Variants in ATP2B2 observed in about 807,000 individuals in gnomAD.
ATP2B2 encodes plasma membrane calcium-transporting ATPase 2.
In ATP2B2, 15 loss-of-function variants were observed where a neutral mutation model predicts 120.0. The ratio of observed to expected loss-of-function variants is 0.12; its 90% CI spans 0.08 to 0.19. The LOEUF (loss-of-function observed/expected upper bound fraction) is 0.19. Ranked by LOEUF, ATP2B2 falls within the 10% of genes least tolerant of loss-of-function variation. The pLI is 1.00. For missense variants in ATP2B2, 1,045 were observed against 1,719.8 expected, an observed-to-expected ratio of 0.61 and a Z score of 6.94; for synonymous variants, 694 against 700.3, an observed-to-expected ratio of 0.99 and a Z score of 0.14.
intron 2 of ATP2B2, among the ~76,000 whole-genome samples, chr3:10,597,536 A>G (rs1413083755): frequency 2.6e-5 from 4 of 152,186 alleles, no homozygotes; most frequent in Non-Finnish European, 5.9e-5. Flanking sequence ...AGGAGGGACG[A>G]GTAACTGGCC....
intron 3 of ATP2B2, among the ~76,000 whole-genome samples, chr3:10,531,755 G>C (rs2067214704): frequency 6.6e-6 from 1 of 152,160 alleles, no homozygotes; most frequent in Non-Finnish European, 1.5e-5. Flanking sequence ...CTGGTAGTGA[G>C]GACAAGGGGC....
At chr3:10,664,915 T>C (rs567116784) in intron 1 of ATP2B2, among the ~76,000 whole-genome samples, 1 of 152,226 alleles carries the variant, frequency 6.6e-6, no homozygotes, top group South Asian at 2.1e-4. Context: ...TGGGAGCTAT[T>C]TGGACACCTC....
chr3:10,603,322 A>G (rs542543574), intron 2 of ATP2B2, among the ~76,000 whole-genome samples: 8 of 152,344 alleles, frequency 5.3e-5, no homozygotes, highest in African/African-American at 1.9e-4. Flanking sequence ...TCTCTAATAG[A>G]ATCGTTTCTT....
chr3:10,671,457 C>T (rs553657243), intron 1 of ATP2B2, among the ~76,000 whole-genome samples: 37 of 152,220 alleles, frequency 2.4e-4, no homozygotes, highest in African/African-American at 7.9e-4. Context: ...GTCTAGTCCT[C>T]GGCCCAGTTT....
At chr3:10,519,843 T>G (rs1278664017) in intron 3 of ATP2B2, among the ~76,000 whole-genome samples, 1 of 152,248 alleles carries the variant, frequency 6.6e-6, no homozygotes, top group Non-Finnish European at 1.5e-5. Context: ...CCAGCACTGA[T>G]GCTGCCTGCC....
chr3:10,357,473 T>C (rs1254104172), intron 14 of ATP2B2, among the ~76,000 whole-genome samples: 2 of 152,124 alleles, frequency 1.3e-5, no homozygotes, highest in Non-Finnish European at 2.9e-5. Flanking sequence ...CAGAATCTTA[T>C]AACATCAGGG....
intron 12 of ATP2B2, among the ~76,000 whole-genome samples, chr3:10,370,310 C>G (rs150816315): frequency 6.6e-6 from 1 of 152,238 alleles, no homozygotes; most frequent in African/African-American, 2.4e-5. Context: ...TTCTGGGAAT[C>G]GCCCTGTTCC....
chr3:10,420,620 C>T (rs1206151113), intron 2 of ATP2B2, among the ~76,000 whole-genome samples: 3 of 152,214 alleles, frequency 2.0e-5, no homozygotes, highest in Non-Finnish European at 4.4e-5. Flanking sequence ...CCTTGGCCTC[C>T]CAAAGTGCTG....
chr3:10,449,485 T>C lies in ATP2B2; in HGVS notation c.59A>G (p.His20Arg), dbSNP rs375463057. 20 of 1,614,256 alleles carry C rather than the reference T, an allele frequency of 1.2e-5. No homozygotes were observed. The East Asian group carries it at 1.8e-4, about 14-fold the overall frequency. ...CATTGTGCACCCGAACTCGCCCCCA[T>C]GGCTCGACTCATTTCTTTGGTTTTT... Reference protein sequence around the residue: ...YSKNQRNESSHGGEFGCTMEE... With the variant: ...YSKNQRNESSRGGEFGCTMEE... The change falls in exon 2 of 23, where the codon CAT (histidine) becomes CGT (arginine). Residue 20 changes from histidine to arginine, a missense_variant. Transcript: ENST00000360273.
intron 1 of ATP2B2, among the ~76,000 whole-genome samples, chr3:10,654,413 G>A (rs1339992182): frequency 6.6e-6 from 1 of 152,114 alleles, no homozygotes; most frequent in Non-Finnish European, 1.5e-5. Context: ...TCAAGGAGGA[G>A]ACAACAGAGT....
At chr3:10,431,408 G>C (rs1307101138) in intron 2 of ATP2B2, among the ~76,000 whole-genome samples, 1 of 152,156 alleles carries the variant, frequency 6.6e-6, no homozygotes, top group Non-Finnish European at 1.5e-5. Context: ...CTGCCACCCT[G>C]ATCAGTCAGC....
At chr3:10,416,210 G>A (rs2062775619) in intron 2 of ATP2B2, among the ~76,000 whole-genome samples, 1 of 152,202 alleles carries the variant, frequency 6.6e-6, no homozygotes, top group Non-Finnish European at 1.5e-5. Flanking sequence ...GTGAGGGACT[G>A]GCTGTATAGG....
rs138404950 is a variant in ATP2B2 at position 10,379,808 on chromosome 3, T to G, written c.1001-524A>C. ...GAGACAGAGAGAGAGGAGAGAGTGT[T>G]TCTAGAATGGAGAGGAGTTTGGACA... is the stretch of plus-strand genomic sequence containing the variant. On this transcript the variant is annotated intron_variant, in intron 8 of 22. Transcript: ENST00000360273. Among the ~76,000 whole-genome samples the G allele has an allele frequency of 4.0e-5, 6 of 150,994 alleles. No individual in the cohort carries two copies. In the East Asian group the frequency reaches 1.2e-3, roughly 29 times the overall value.
intron 2 of ATP2B2, among the ~76,000 whole-genome samples, chr3:10,609,683 T>C (rs951478468): frequency 3.3e-5 from 5 of 152,142 alleles, no homozygotes; most frequent in African/African-American, 1.2e-4. Flanking sequence ...AGGTTTTGGG[T>C]CTTGTTTTGT....
At chr3:10,696,942 C>T (rs2071750097) in intron 1 of ATP2B2, among the ~76,000 whole-genome samples, 1 of 152,130 alleles carries the variant, frequency 6.6e-6, no homozygotes, top group Non-Finnish European at 1.5e-5. Flanking sequence ...AGAATAGCTC[C>T]ATTATTAAAT....
intron 1 of ATP2B2, among the ~76,000 whole-genome samples, chr3:10,475,023 G>A (rs1329396383): frequency 1.3e-5 from 2 of 152,174 alleles, no homozygotes; most frequent in East Asian, 1.9e-4. Context: ...GAGAATGTCC[G>A]AATTAACCAC....
intron 3 of ATP2B2, among the ~76,000 whole-genome samples, chr3:10,517,703 C>T (rs537910050): frequency 6.6e-6 from 1 of 152,306 alleles, no homozygotes; most frequent in African/African-American, 2.4e-5. Context: ...TCATCCCCAT[C>T]TGATACATGG....
rs1426881093 is a variant in ATP2B2, at chr3:10,402,516, C to T, written c.398-168G>A. Among the ~76,000 whole-genome samples the T allele has an allele frequency of 1.3e-5, 2 of 152,252 alleles. No individual in the cohort carries two copies. Among genetic ancestry groups the T allele is most frequent in the South Asian group, 2.1e-4 (1 of 4,830 alleles). ...ACCAAGCCCTGTGGAAAGTGCTTCA[C>T]GCAGATCATCTCACAGGGTATTCCC... On this transcript the variant is annotated intron_variant, in intron 3 of 22. Transcript: ENST00000360273. The surrounding 1 kb of genome is among the most constrained non-coding windows in gnomAD (Gnocchi z 4.9).
In ATP2B2 at chr3:10,597,354, T is replaced by A. The variant is rs180678361; in HGVS notation, c.-415+22563A>T. ...AGGCACACACACAGGCACAGGCACC[T>A]AGGCACACACACACAGAGGCACATA... On this transcript the variant is annotated intron_variant, in intron 2 of 21. Coordinates refer to the ATP2B2 transcript ENST00000646379. Among the ~76,000 whole-genome samples, 3 of 136,498 alleles carry A rather than the reference T, an allele frequency of 2.2e-5. No homozygotes were observed. In the East Asian group the frequency reaches 7.0e-4, roughly 32 times the overall value. The allele number at this position is 136,498 out of a possible 152,430, so 89.5% of individuals were successfully genotyped here.
Sources: allele counts gnomAD v4.1 joint callset (sites outside exome capture counted in the v4.1 genomes callset), GRCh38; gene constraint gnomAD v4.1.1; non-coding constraint Gnocchi (gnomAD v3.1); transcripts MANE v1.5; gene names NCBI Gene and HGNC (gene_info 2026-07-23, HGNC 2026-07-21).